The following MICALL2 variants were observed in gnomAD, a reference collection of about 807,000 sequenced individuals.
MICALL2 encodes the protein MICAL-like protein 2.
MICALL2 carries 111 observed loss-of-function variants against 91.1 expected under a neutral mutation model. The ratio of observed to expected loss-of-function variants is 1.22; its 90% CI spans 1.04 to 1.43. The LOEUF (loss-of-function observed/expected upper bound fraction) is 1.43. Among genes scored for constraint, MICALL2 ranks in the 40% most tolerant of loss-of-function variants. The probability of loss-of-function intolerance (pLI) is 0.00; values close to 1 mark genes in which losing one functional copy is unlikely to be tolerated. For synonymous variants in MICALL2, 694 were observed against 525.3 expected, an observed-to-expected ratio of 1.32 and a Z score of -4.39; for missense variants, 1,556 against 1,236.0, an observed-to-expected ratio of 1.26 and a Z score of -3.88.
At chr7:1,442,154 G>T (rs757580351) in intron 7 of MICALL2, 38 bp downstream of exon 7, 11 of 1,604,412 alleles carry the variant, frequency 6.9e-6, no homozygotes, top group Non-Finnish European at 9.4e-6. Context: ...CAGAGCTGCG[G>T]GCCCCCGGGG....
chr7:1,454,724 C>A (rs1780952821), intron 1 of MICALL2, among the ~76,000 whole-genome samples: 1 of 152,210 alleles, frequency 6.6e-6, no homozygotes, highest in Non-Finnish European at 1.5e-5. Context: ...GGTCAGCCCA[C>A]CCTCGGCCCT....
At position 1,435,086 on chromosome 7, in the gene MICALL2, C is replaced by G. The variant is rs531339733; in HGVS notation, c.2638+15G>C. ...AGCCAGCCAGCCCAGCCCTCAGCATCCCCGGCCCAGTCACCCAGCTTCTCA... is the reference window on the plus strand; with the variant it reads ...AGCCAGCCAGCCCAGCCCTCAGCATGCCCGGCCCAGTCACCCAGCTTCTCA... On this transcript the variant is annotated intron_variant, in intron 16 of 16. Transcript: ENST00000297508. 8 of 1,612,232 alleles carry G rather than the reference C, an allele frequency of 5.0e-6. No homozygotes were observed. The South Asian group carries it at 7.7e-5, about 16-fold the overall frequency.
In MICALL2 at chr7:1,435,143, G is replaced by A. The variant is rs1035966869; in HGVS notation, c.2596C>T (p.Gln866Ter). Reference sequence around the variant, plus strand: ...TCCCGCAGCATCTGATCCTCCTCTTGTTCCCTGAAACGGGACCAGATGGCC... The same window carrying A: ...TCCCGCAGCATCTGATCCTCCTCTTATTCCCTGAAACGGGACCAGATGGCC... ...DSLDEDRLRE[Q>*]EEDQMLRDMI... Residue 866 changes from glutamine to a stop codon, truncating the protein, a stop_gained, in exon 16 of 17, where the codon CAA (glutamine) becomes TAA (stop). Transcript: ENST00000297508. LOFTEE classifies it high-confidence loss of function. 2 of 1,613,518 alleles carry A rather than the reference G, an allele frequency of 1.2e-6. No homozygotes were observed. Among genetic ancestry groups the A allele is most frequent in the Middle Eastern group, 1.7e-4 (1 of 6,060 alleles).
rs1168968790 is a variant in MICALL2 at position 1,451,032 on chromosome 7, TTC to T, written c.144-746_144-745del. ...TGCCAAGCCCACTGAGGTTACATGG[TTC>T]TCTCTTTGGGTGGTGGAGTGCCTTC... On this transcript the variant is annotated intron_variant, in intron 1 of 16. Transcript: ENST00000297508. This position sits in a 1 kb window ranked among gnomAD's most constrained non-coding sequence, Gnocchi z 4.5. Among the ~76,000 whole-genome samples, 1 of 152,098 alleles carries T rather than the reference TTC, an allele frequency of 6.6e-6. No individual in the cohort carries two copies. The highest frequency in any genetic ancestry group is 1.9e-4 in the East Asian group (1 of 5,192).
chr7:1,445,432 G>A lies in MICALL2; in HGVS notation c.642-4C>T, dbSNP rs1562460434. 6.6e-7 allele frequency: 1 copy of A among 1,525,078 alleles called. No homozygotes were observed. Among genetic ancestry groups the A allele is most frequent in the East Asian group, 2.5e-5 (1 of 40,798 alleles). The allele number at this position is 1,525,078 out of a possible 1,614,324, so 94.5% of individuals were successfully genotyped here. On this transcript the variant is annotated splice_polypyrimidine_tract_variant and splice_region_variant and intron_variant, in intron 5 of 16. Coordinates refer to ENST00000297508, the MANE Select transcript of MICALL2 (RefSeq NM_182924.4). ...CGTGCAGGAGCACTGCTTACACCTGGGGGAGGAAAGGCACAGGAGCCCCAG... is the reference window on the plus strand; with the variant it reads ...CGTGCAGGAGCACTGCTTACACCTGAGGGAGGAAAGGCACAGGAGCCCCAG...
At chr7:1,439,633 G>T (rs911811345) in intron 9 of MICALL2, 8 of 344,830 alleles carry the variant, frequency 2.3e-5, no homozygotes, top group Middle Eastern at 7.2e-4. Context: ...ACAGACACAT[G>T]GACATGCATC....
intron 2 of MICALL2, among the ~76,000 whole-genome samples, chr7:1,449,148 G>T (rs1203143555): frequency 6.6e-6 from 1 of 152,212 alleles, no homozygotes; most frequent in Non-Finnish European, 1.5e-5. Flanking sequence ...GGACACACAG[G>T]TCGCCATGTC....
chr7:1,444,655 C>A lies in MICALL2; in HGVS notation c.1415G>T (p.Gly472Val). ...CCCTCGGTCCCCACGCGCTCACCTG[C>A]CAGGCGCCGGAGCGCCAGCCTCTTC... The part of the protein sequence containing the change: ...ALEEAGAPAP[G>V]RPSPATAAVP... Residue 472 changes from glycine (G) to valine (V), a missense_variant, in exon 6 of 17, where the codon GGC (glycine) becomes GTC (valine). Coordinates refer to ENST00000297508, the MANE Select transcript of MICALL2 (RefSeq NM_182924.4). 2 of 1,609,214 alleles carry A rather than the reference C, an allele frequency of 1.2e-6. No individual in the cohort carries two copies. The highest frequency in any genetic ancestry group is 1.7e-6 in the Non-Finnish European group (2 of 1,179,488).
In MICALL2 at chr7:1,434,529, C is replaced by T. The variant is rs763534796; in HGVS notation, c.*67G>A. ...ACAAGTCCGGGTTCCGGGTCCGGGC[C>T]AAGCCCATGGCCCCGAGTCCAAGTC... On this transcript the variant is annotated 3_prime_UTR_variant, in exon 17 of 17. Coordinates refer to ENST00000297508, the MANE Select transcript of MICALL2 (RefSeq NM_182924.4). 4 of 1,430,402 alleles carry T rather than the reference C, an allele frequency of 2.8e-6. No individual in the cohort carries two copies. The highest frequency in any genetic ancestry group is 3.9e-6 in the Non-Finnish European group (4 of 1,013,490). The allele number at this position is 1,430,402 out of a possible 1,614,324, so 88.6% of individuals were successfully genotyped here.
intron 1 of MICALL2, among the ~76,000 whole-genome samples, 187 bp downstream of exon 1, chr7:1,458,997 G>A (rs1483857509): frequency 6.6e-6 from 1 of 152,196 alleles, no homozygotes; most frequent in Non-Finnish European, 1.5e-5. Flanking sequence ...CTCTGGCCCA[G>A]CTGCATTCGG....
At chr7:1,442,147 A>T (rs763957571) in intron 7 of MICALL2, 45 bp downstream of exon 7, 23 of 1,599,804 alleles carry the variant, frequency 1.4e-5, no homozygotes, top group Non-Finnish European at 1.4e-5. Flanking sequence ...AGAGTCCCAG[A>T]GCTGCGGGCC....
Position 1,437,626 on chromosome 7 carries a change from G to T in MICALL2, c.2403-18C>A. ...CCTTGGACCTGCCGCACAGACACGC[G>T]TCTGAGGCCTGACTCTGCCGCCCTG... On this transcript the variant is annotated intron_variant, in intron 13 of 16. Coordinates refer to ENST00000297508, the MANE Select transcript of MICALL2 (RefSeq NM_182924.4). The T allele has an allele frequency of 1.3e-6, 2 of 1,537,738 alleles. No homozygotes were observed. The highest frequency in any genetic ancestry group is 8.7e-7 in the Non-Finnish European group (1 of 1,145,540).
chr7:1,447,817 G>C, intron 3 of MICALL2, 52 bp from the exon 4 acceptor site: 3 of 1,369,038 alleles, frequency 2.2e-6, no homozygotes, highest in Non-Finnish European at 2.9e-6. Flanking sequence ...CTCTGAAAGG[G>C]TCTAGTCCCT....
At chr7:1,448,529 C>A (rs1584226483) in intron 3 of MICALL2, 91 bp downstream of exon 3, 1 of 1,274,854 alleles carries the variant, frequency 7.8e-7, no homozygotes, top group East Asian at 2.3e-5. Context: ...GGGGGCTGGG[C>A]ATGGACCCCA....
rs371304080 is a variant in MICALL2, at chr7:1,446,872, C to T, written c.526-44G>A. 1.9e-5 allele frequency: 26 copies of T among 1,376,042 alleles called. 1 individual carries two copies. In the South Asian group the frequency reaches 3.5e-4, roughly 19 times the overall value. 85.2% of individuals were successfully genotyped at this position (1,376,042 alleles called of 1,614,324 possible). The stretch of plus-strand genomic sequence containing the variant: ...CCTCTCTGAGCAGCCGTCCACCCAG[C>T]CCTCCCTCCTGGTGGCAGCCCACAG... On this transcript the variant is annotated intron_variant, in intron 4 of 16. Transcript: ENST00000297508.
At chr7:1,437,364 GAC>G (rs2128519012) in intron 14 of MICALL2, 169 bp downstream of exon 14, 1 of 616,630 alleles carries the variant, frequency 1.6e-6, no homozygotes, top group South Asian at 2.1e-5. Context: ...CTTGGCTGAG[GAC>G]ACACAGCCAG....
At chr7:1,437,823 C>A in intron 13 of MICALL2, 67 bp downstream of exon 13, 1 of 1,449,194 alleles carries the variant, frequency 6.9e-7, no homozygotes, top group Non-Finnish European at 9.5e-7. Flanking sequence ...TCCTGTCCCC[C>A]GCCTGGCCTG....
chr7:1,439,943 G>T lies in MICALL2; in HGVS notation c.1948C>A (p.Pro650Thr). ...RPDRTPRPAS[P>T]GPSLPARSPS... ...GGAGTACCTGGGAGGCTGGGTCCTG[G>T]GCTGGCTGGGCGTGGGGTCCTGTCA... The change falls in exon 9 of 17, where the codon CCA (proline) becomes ACA (threonine). Residue 650 changes from proline to threonine, a missense_variant. Transcript: ENST00000297508. 1.3e-6 allele frequency: 2 copies of T among 1,489,102 alleles called. No individual in the cohort carries two copies. Among genetic ancestry groups the T allele is most frequent in the Non-Finnish European group, 1.8e-6 (2 of 1,127,768 alleles). 92.2% of individuals were successfully genotyped at this position (1,489,102 alleles called of 1,614,324 possible).
intron 7 of MICALL2, 156 bp downstream of exon 7, chr7:1,442,036 G>A (rs1780304505): frequency 3.5e-6 from 3 of 863,326 alleles, no homozygotes; most frequent in Non-Finnish European, 1.8e-6. Context: ...CAGGACCCCA[G>A]GAGGCTGCGA....
Sources: allele counts gnomAD v4.1 joint callset (sites outside exome capture counted in the v4.1 genomes callset), GRCh38; gene constraint gnomAD v4.1.1; non-coding constraint Gnocchi (gnomAD v3.1); transcripts MANE v1.5; gene names NCBI Gene and HGNC (gene_info 2026-07-23, HGNC 2026-07-21).